CRTC1: variants seen among roughly 807,000 people sequenced by gnomAD.
The protein encoded by CRTC1 is CREB-regulated transcription coactivator 1.
In CRTC1, 18 loss-of-function variants were observed where a neutral mutation model predicts 66.1. The observed-to-expected ratio is 0.27, with a 90% CI of 0.19 to 0.40. The LOEUF is 0.40. Ranked by LOEUF, CRTC1 falls within the 10% of genes least tolerant of loss-of-function variation. The pLI is 1.00. For missense variants in CRTC1, 669 were observed against 887.9 expected, an observed-to-expected ratio of 0.75 and a Z score of 3.13; for synonymous variants, 416 against 398.8, an observed-to-expected ratio of 1.04 and a Z score of -0.51.
intron 13 of CRTC1, 104 bp downstream of exon 13, chr19:18,775,925 G>A (rs1033281121): frequency 3.1e-6 from 4 of 1,271,372 alleles, no homozygotes; most frequent in Non-Finnish European, 4.3e-6. Flanking sequence ...GACAGGGCCG[G>A]GGTTGTGACC....
At chr19:18,733,658 A>G (rs975643693) in intron 1 of CRTC1, among the ~76,000 whole-genome samples, 3 of 152,250 alleles carry the variant, frequency 2.0e-5, no homozygotes, top group Admixed American at 6.5e-5. Context: ...TGGACCAGCC[A>G]TGCAGCGAGG....
Position 18,683,700 on chromosome 19 carries a change from A to G in CRTC1, c.-3A>G. On this transcript the variant is annotated 5_prime_UTR_variant, in exon 1 of 14. Coordinates refer to ENST00000321949, the MANE Select transcript of CRTC1 (RefSeq NM_015321.3). ...AGGAGGAGGAGGAGGTGGCGGCGAG[A>G]AGATGGCGACTTCGAACAATCCGCG... 1 of 1,391,890 alleles carries G rather than the reference A, an allele frequency of 7.2e-7. No individual in the cohort carries two copies. Among genetic ancestry groups the G allele is most frequent in the Non-Finnish European group, 9.5e-7 (1 of 1,047,824 alleles). The allele number at this position is 1,391,890 out of a possible 1,614,324, so 86.2% of individuals were successfully genotyped here.
intron 1 of CRTC1, among the ~76,000 whole-genome samples, chr19:18,739,038 G>A (rs948545223): frequency 1.3e-4 from 20 of 152,186 alleles, no homozygotes; most frequent in African/African-American, 4.3e-4. Flanking sequence ...CCTCCAAATC[G>A]CCAGTGGGGT....
At chr19:18,722,337 A>G (rs2053648724) in intron 1 of CRTC1, among the ~76,000 whole-genome samples, 1 of 152,178 alleles carries the variant, frequency 6.6e-6, no homozygotes, top group African/African-American at 2.4e-5. Context: ...ATTGGAGAGT[A>G]TCCCCCAGAC....
rs60084986 is a variant in CRTC1 at position 18,689,583 on chromosome 19, A to ATATATATATATATATATATG, written c.126+5758_126+5759insATATATATATATATATGTAT. Among the ~76,000 whole-genome samples the ATATATATATATATATATATG allele has an allele frequency of 1.1e-3, 71 of 65,712 alleles. 1 individual carries two copies. The highest frequency in any genetic ancestry group is 5.7e-3 in the Middle Eastern group (1 of 174). The allele number at this position is 65,712 out of a possible 152,430, so 43.1% of individuals were successfully genotyped here. A position where few individuals can be genotyped will look rare whatever the true frequency, so the allele number is the denominator to read the frequency against. ...GATGGCCATATATATATATATATAT[A>ATATATATATATATATATATG]TATGTAATATAACACTTACCATTTT... On this transcript the variant is annotated intron_variant, in intron 1 of 13. Coordinates refer to ENST00000321949, the MANE Select transcript of CRTC1 (RefSeq NM_015321.3).
intron 6 of CRTC1, among the ~76,000 whole-genome samples, chr19:18,755,593 CTTTTTTTTTTTTTT>C (rs58121199): frequency 2.8e-5 from 3 of 107,498 alleles, no homozygotes; most frequent in Non-Finnish European, 3.8e-5. Flanking sequence ...CCAAACCTGG[CTTTTTTTTTTTTTT>C]TTTTTTTTTT....
chr19:18,686,973 A>G (rs1205991235), intron 1 of CRTC1, among the ~76,000 whole-genome samples: 2 of 149,546 alleles, frequency 1.3e-5, no homozygotes, highest in Non-Finnish European at 3.0e-5. Context: ...GTGTGGAATA[A>G]TCTGGCCCCA....
intron 2 of CRTC1, 114 bp downstream of exon 2, chr19:18,743,140 C>A: frequency 1.2e-6 from 1 of 809,110 alleles, no homozygotes; most frequent in South Asian, 1.5e-5. Context: ...GGAGCCCACC[C>A]AACCACTGCC....
intron 6 of CRTC1, among the ~76,000 whole-genome samples, chr19:18,755,372 C>T (rs1290247414): frequency 6.6e-6 from 1 of 152,104 alleles, no homozygotes; most frequent in Non-Finnish European, 1.5e-5. Context: ...CAGTCCTCTG[C>T]CTCAGCTTCC....
In CRTC1 at chr19:18,760,978, G is replaced by A. The variant is rs940242504; in HGVS notation, c.886+750G>A. Among the ~76,000 whole-genome samples, 1 of 148,334 alleles carries A rather than the reference G, an allele frequency of 6.7e-6. No homozygotes were observed. The highest frequency in any genetic ancestry group is 2.5e-5 in the African/African-American group (1 of 39,892). ...CATGGCTTCCTCCACTTGGGACCTC[G>A]CACGGCCCCCAGCTCCCTCTCAGTG... On this transcript the variant is annotated intron_variant, in intron 8 of 13. Transcript: ENST00000321949. This position sits in a 1 kb window ranked among gnomAD's most constrained non-coding sequence, Gnocchi z 6.2.
chr19:18,709,707 C>T (rs773363337), intron 1 of CRTC1, among the ~76,000 whole-genome samples: 7 of 152,230 alleles, frequency 4.6e-5, no homozygotes, highest in Non-Finnish European at 7.4e-5. Context: ...CTGCCCTGGG[C>T]GGGCTTCCTC....
intron 1 of CRTC1, among the ~76,000 whole-genome samples, chr19:18,737,807 G>A (rs983471863): frequency 1.3e-5 from 2 of 149,284 alleles, no homozygotes; most frequent in Non-Finnish European, 3.0e-5. Context: ...GAAGGACGGT[G>A]AGGACAAAGA....
rs752727932 is a variant in CRTC1, at chr19:18,747,127, A to ACCCC, written c.443+14_443+15insCCCC. 5.7e-6 allele frequency: 8 copies of ACCCC among 1,392,058 alleles called. No homozygotes were observed. In the African/African-American group the frequency reaches 7.0e-5, roughly 12 times the overall value. 86.2% of individuals were successfully genotyped at this position (1,392,058 alleles called of 1,614,324 possible). A position where few individuals can be genotyped will look rare whatever the true frequency, so the allele number is the denominator to read the frequency against. On this transcript the variant is annotated intron_variant, in intron 4 of 13. Coordinates refer to ENST00000321949, the MANE Select transcript of CRTC1 (RefSeq NM_015321.3). ...CCAGCTGGAGAAGGTCAGTGGCTGGACACCCCCCCCCCGCCCCCTTCTTGT... is the reference window on the plus strand; with the variant it reads ...CCAGCTGGAGAAGGTCAGTGGCTGGACCCCCACCCCCCCCCCGCCCCCTTCTTGT...
At chr19:18,775,853 C>A (rs1189741975) in intron 13 of CRTC1, 32 bp downstream of exon 13, 3 of 1,531,376 alleles carry the variant, frequency 2.0e-6, no homozygotes, top group Admixed American at 2.2e-5. Flanking sequence ...GTGTGCGGCG[C>A]CCCAAGGGGC....
chr19:18,744,670 C>A (rs2054191160), intron 2 of CRTC1, among the ~76,000 whole-genome samples: 1 of 152,210 alleles, frequency 6.6e-6, no homozygotes, highest in African/African-American at 2.4e-5. Context: ...AGATGAATTG[C>A]CCCTACCCTG....
intron 13 of CRTC1, among the ~76,000 whole-genome samples, chr19:18,776,677 AG>A (rs1166672366): frequency 1.1e-4 from 16 of 152,240 alleles, no homozygotes; most frequent in Non-Finnish European, 2.1e-4. Flanking sequence ...AGGGCGTTTC[AG>A]CCCCATTTCT....
intron 2 of CRTC1, chr19:18,744,217 C>T (rs1051236146): frequency 2.8e-5 from 42 of 1,516,078 alleles, no homozygotes; most frequent in Non-Finnish European, 3.2e-5. Flanking sequence ...GACCCCGACC[C>T]GTGTGCGGGC....
chr19:18,760,096 A>G lies in CRTC1; in HGVS notation c.754A>G (p.Ile252Val), dbSNP rs768077257. ...TGGSLPDLTN[I>V]HFPSPLPTPL... ...GGGGTCCCTGCCCGACCTGACCAACATCCACTTCCCCTCCCCGCTCCCGAC... is the reference window on the plus strand; with the variant it reads ...GGGGTCCCTGCCCGACCTGACCAACGTCCACTTCCCCTCCCCGCTCCCGAC... The change falls in exon 8 of 14, where the codon ATC becomes GTC. Residue 252 changes from isoleucine to valine, a missense_variant. Around this residue, in one of 8 missense-constraint regions of CRTC1, gnomAD observed 214 missense variants for 323.4 expected, o/e 0.66. Coordinates refer to ENST00000321949, the MANE Select transcript of CRTC1 (RefSeq NM_015321.3). This position sits in a 1 kb window ranked among gnomAD's most constrained non-coding sequence, Gnocchi z 6.2. 1 of 1,613,540 alleles carries G rather than the reference A, an allele frequency of 6.2e-7. No homozygotes were observed. Among genetic ancestry groups the G allele is most frequent in the Admixed American group, 1.7e-5 (1 of 59,972 alleles).
chr19:18,706,044 T>C (rs2053256039), intron 1 of CRTC1, among the ~76,000 whole-genome samples: 1 of 151,008 alleles, frequency 6.6e-6, no homozygotes, highest in Non-Finnish European at 1.5e-5. Context: ...CTTTTTGCAC[T>C]TGGAGATCCT....
Sources: gnomAD v4.1 joint callset for allele counts (sites outside exome capture counted in the v4.1 genomes callset) on GRCh38, gnomAD v4.1.1 for gene constraint, gnomAD v4.1.1 regional missense constraint, Gnocchi (gnomAD v3.1) non-coding constraint, MANE v1.5 for transcripts, NCBI Gene and HGNC (gene_info 2026-07-23, HGNC 2026-07-21) for gene names.